The following TAFA2 variants were observed in gnomAD, a reference collection of about 807,000 sequenced individuals.
TAFA2 encodes the protein chemokine-like protein TAFA-2.
A neutral mutation model predicts 18.8 loss-of-function variants in TAFA2; 7 were observed. That is an observed-to-expected ratio of 0.37 (90% CI 0.21 to 0.70). TAFA2 has a LOEUF of 0.70. Ranked by LOEUF, TAFA2 falls within the 30% of genes least tolerant of loss-of-function variation. The pLI is 0.53. For synonymous variants in TAFA2, 60 were observed against 54.2 expected (o/e 1.11, Z -0.47); for missense variants, 122 against 158.1 (o/e 0.77, Z 1.23).
intron 1 of TAFA2, among the ~76,000 whole-genome samples, chr12:62,223,286 C>T (rs984141173): frequency 2.0e-5 from 3 of 152,122 alleles, no homozygotes; most frequent in Admixed American, 1.3e-4. Context: ...TCAAATGATC[C>T]TCCCACCTCA....
At chr12:61,761,645 T>G (rs953027352) in intron 2 of TAFA2, among the ~76,000 whole-genome samples, 1 of 152,026 alleles carries the variant, frequency 6.6e-6, no homozygotes, top group African/African-American at 2.4e-5. Context: ...ACAAGGAAAC[T>G]ATACCTCCAA....
At chr12:61,988,318 G>T (rs750042800) in intron 1 of TAFA2, among the ~76,000 whole-genome samples, 1 of 151,918 alleles carries the variant, frequency 6.6e-6, no homozygotes, top group Non-Finnish European at 1.5e-5. Flanking sequence ...ATTATAAAAT[G>T]CCCCAAGATT....
upstream of TAFA2, among the ~76,000 whole-genome samples, chr12:62,197,106 C>T (rs141010949): frequency 3.1e-3 from 465 of 152,208 alleles, 1 homozygote; most frequent in African/African-American, 9.9e-3. Flanking sequence ...CCAGGTTGTG[C>T]GCTCCTTATG....
intron 1 of TAFA2, among the ~76,000 whole-genome samples, chr12:61,962,825 A>T (rs1428513606): frequency 6.6e-6 from 1 of 151,854 alleles, no homozygotes; most frequent in Non-Finnish European, 1.5e-5. Flanking sequence ...AGACATACAC[A>T]TGCCATGGTG....
intron 1 of TAFA2, among the ~76,000 whole-genome samples, chr12:61,995,185 T>C (rs986917735): frequency 1.3e-5 from 2 of 152,192 alleles, no homozygotes; most frequent in Admixed American, 1.3e-4. Flanking sequence ...ACTTCAGTCA[T>C]CTTATGCCAC....
At chr12:62,020,707 T>C (rs1426148631) in intron 1 of TAFA2, among the ~76,000 whole-genome samples, 1 of 152,178 alleles carries the variant, frequency 6.6e-6, no homozygotes, top group Non-Finnish European at 1.5e-5. Context: ...TGTTTGAAAA[T>C]GATTTCAGTG....
chr12:61,751,286 G>A (rs1362182439), intron 4 of TAFA2, among the ~76,000 whole-genome samples: 1 of 152,042 alleles, frequency 6.6e-6, no homozygotes, highest in Non-Finnish European at 1.5e-5. Flanking sequence ...TGCCCAAATT[G>A]TTTGGTGGGC....
At chr12:61,789,180 C>T (rs1034313849) in intron 2 of TAFA2, among the ~76,000 whole-genome samples, 9 of 151,798 alleles carry the variant, frequency 5.9e-5, no homozygotes, top group Non-Finnish European at 1.0e-4. Context: ...ACTTTTGTTG[C>T]CATTGCTTTT....
chr12:61,745,113 C>T (rs796939661), intron 4 of TAFA2, among the ~76,000 whole-genome samples: 1 of 151,956 alleles, frequency 6.6e-6, no homozygotes, highest in African/African-American at 2.4e-5. Flanking sequence ...AAAAAGTCTA[C>T]CTACTCTTCT....
intron 2 of TAFA2, among the ~76,000 whole-genome samples, chr12:61,772,457 A>G (rs1870074527): frequency 6.6e-6 from 1 of 151,782 alleles, no homozygotes. Context: ...GTCCCTGATG[A>G]ATACAGATGC....
chr12:61,879,977 G>C, intron 1 of TAFA2: 2 of 831,900 alleles, frequency 2.4e-6, no homozygotes, highest in Admixed American at 1.7e-5. Flanking sequence ...AGGGCTGACT[G>C]ATGAGATCAA....
At chr12:62,073,168 G>A (rs943546455) in intron 1 of TAFA2, among the ~76,000 whole-genome samples, 2 of 152,006 alleles carry the variant, frequency 1.3e-5, no homozygotes, top group Non-Finnish European at 2.9e-5. Flanking sequence ...GACAGAGTAA[G>A]ACAAAGAATA....
intron 1 of TAFA2, among the ~76,000 whole-genome samples, chr12:62,236,957 G>A (rs2062840578): frequency 6.6e-6 from 1 of 152,184 alleles, no homozygotes; most frequent in Non-Finnish European, 1.5e-5. Flanking sequence ...TTGGTGATAT[G>A]TGACCTTCCT....
chr12:61,885,499 A>G (rs1875335350), intron 1 of TAFA2, among the ~76,000 whole-genome samples: 1 of 152,208 alleles, frequency 6.6e-6, no homozygotes, highest in African/African-American at 2.4e-5. Context: ...TACAAACATC[A>G]AATGTAGATG....
intron 1 of TAFA2, among the ~76,000 whole-genome samples, chr12:62,075,622 T>G (rs1389929325): frequency 6.6e-6 from 1 of 152,224 alleles, no homozygotes; most frequent in Admixed American, 6.5e-5. Context: ...TTCATGTCCA[T>G]TCATTTCAGC....
chr12:62,075,080 A>C (rs930586541), intron 1 of TAFA2, among the ~76,000 whole-genome samples: 6 of 152,344 alleles, frequency 3.9e-5, no homozygotes, highest in African/African-American at 1.4e-4. Context: ...TTACATTTTC[A>C]GATGACAACC....
intron 1 of TAFA2, among the ~76,000 whole-genome samples, chr12:62,172,921 T>C (rs1025809843): frequency 6.9e-6 from 1 of 145,178 alleles, no homozygotes; most frequent in Non-Finnish European, 1.5e-5. Context: ...GGCCTTTAGC[T>C]GGGTATTTAG....
chr12:62,258,880 C>A, upstream of TAFA2: 1 of 190,792 alleles, frequency 5.2e-6, no homozygotes, highest in Non-Finnish European at 1.2e-5. Context: ...TAGAGGGTAG[C>A]CGTGGTTAGA....
chr12:61,716,927 T>C (rs1213290924), intron 4 of TAFA2, among the ~76,000 whole-genome samples: 1 of 152,206 alleles, frequency 6.6e-6, no homozygotes, highest in Non-Finnish European at 1.5e-5. Context: ...AATTTCAAAC[T>C]AACATTACAA....
Sources: gnomAD v4.1 joint callset for allele counts (sites outside exome capture counted in the v4.1 genomes callset) on GRCh38, gnomAD v4.1.1 for gene constraint, MANE v1.5 for transcripts, NCBI Gene and HGNC (gene_info 2026-07-23, HGNC 2026-07-21) for gene names.